Variants in TMPRSS5 observed in about 807,000 individuals in gnomAD.
TMPRSS5 encodes transmembrane protease serine 5.
TMPRSS5 carries 45 observed loss-of-function variants against 59.7 expected under a neutral mutation model. The ratio of observed to expected loss-of-function variants is 0.75; its 90% CI spans 0.59 to 0.97. The LOEUF (loss-of-function observed/expected upper bound fraction) is 0.97, where lower values mean the gene tolerates loss of function less well. Among genes scored for constraint, TMPRSS5 ranks in the 50% least tolerant of loss-of-function variants. TMPRSS5 has a pLI of 0.00. For missense variants in TMPRSS5, 585 were observed against 596.7 expected (o/e 0.98, Z 0.20); for synonymous variants, 225 against 232.0 (o/e 0.97, Z 0.27).
chr11:113,699,272 C>CCTCTCTCTCTCT (rs550946661), intron 3 of TMPRSS5, among the ~76,000 whole-genome samples: 3 of 24,058 alleles, frequency 1.2e-4, no homozygotes, highest in African/African-American at 2.0e-4. Flanking sequence ...TCTCTCTCTC[C>CCTCTCTCTCTCT]CTCTCTCTCT....
intron 1 of TMPRSS5, among the ~76,000 whole-genome samples, chr11:113,700,946 GATGGTTTTAT>G (rs1184537243): frequency 6.6e-6 from 1 of 152,186 alleles, no homozygotes; most frequent in Non-Finnish European, 1.5e-5. Flanking sequence ...CACAAGATCT[GATGGTTTTAT>G]ATGGGGCTTT....
chr11:113,699,272 C>CCTCTCT lies in TMPRSS5; in HGVS notation c.206-251_206-246dup, dbSNP rs550946661. Among the ~76,000 whole-genome samples, 51 of 24,072 alleles carry CCTCTCT rather than the reference C, an allele frequency of 2.1e-3. 3 individuals carry two copies. Among genetic ancestry groups the CCTCTCT allele is most frequent in the Non-Finnish European group, 2.8e-3 (35 of 12,712 alleles). The allele number at this position is 24,072 out of a possible 152,430, so 15.8% of individuals were successfully genotyped here. A position where few individuals can be genotyped will look rare whatever the true frequency, so the allele number is the denominator to read the frequency against. On this transcript the variant is annotated intron_variant, in intron 3 of 12. Coordinates refer to ENST00000299882, the MANE Select transcript of TMPRSS5 (RefSeq NM_030770.4). ...CTCTCTCTCTCTCTCTCTCTCTCTC[C>CCTCTCT]CTCTCTCTCTCTCTCTCTCTGTCTC...
intron 1 of TMPRSS5, among the ~76,000 whole-genome samples, chr11:113,704,245 A>G (rs1668209599): frequency 1.3e-5 from 2 of 152,196 alleles, no homozygotes; most frequent in South Asian, 2.1e-4. Flanking sequence ...TCTGCAACCT[A>G]CTATGTGAAC....
intron 6 of TMPRSS5, 89 bp from the exon 7 acceptor site, chr11:113,695,532 T>C (rs1591380251): frequency 7.5e-7 from 1 of 1,329,268 alleles, no homozygotes; most frequent in African/African-American, 1.4e-5. Flanking sequence ...GGGAGGCTGG[T>C]GGGGGTGGTG....
Position 113,698,924 on chromosome 11 carries a change from G to A in TMPRSS5, c.309C>T (p.Leu103=), listed in dbSNP as rs1014066017. 2 of 1,590,876 alleles carry A rather than the reference G, an allele frequency of 1.3e-6. No individual in the cohort carries two copies. Among genetic ancestry groups the A allele is most frequent in the Non-Finnish European group, 1.7e-6 (2 of 1,168,870 alleles). ...GCCCACCTGTTTTGGGAAGTGCAGG[G>A]AGCAGAGCTTCCTCAGCGCTGGCCT... ...CSEASAEEAL[L]PALPKTVSFR... The change falls in exon 4 of 13, where the codon CTC becomes CTT. Residue 103 remains leucine, a synonymous_variant. Coordinates refer to ENST00000299882, the MANE Select transcript of TMPRSS5 (RefSeq NM_030770.4).
rs756321494 is a variant in TMPRSS5, at chr11:113,693,066, C to T, written c.964+5G>A. On this transcript the variant is annotated splice_donor_5th_base_variant and intron_variant, in intron 9 of 12. Coordinates refer to ENST00000299882, the MANE Select transcript of TMPRSS5 (RefSeq NM_030770.4). Reference sequence around the variant, plus strand: ...AGCCTGCCCACCCTCAAGCCAGTGCCGCACCTGAGAAGTTGAGAGCGGTCT... The same window carrying T: ...AGCCTGCCCACCCTCAAGCCAGTGCTGCACCTGAGAAGTTGAGAGCGGTCT... 7.7e-6 allele frequency: 12 copies of T among 1,560,014 alleles called. No individual in the cohort carries two copies. The East Asian group carries it at 1.4e-4, about 19-fold the overall frequency.
At position 113,697,337 on chromosome 11, in the gene TMPRSS5, T is replaced by C; in HGVS notation, c.410A>G (p.Glu137Gly). The C allele has an allele frequency of 6.2e-7, 1 of 1,613,808 alleles. No individual in the cohort carries two copies. The highest frequency in any genetic ancestry group is 2.2e-5 in the East Asian group (1 of 44,880). ...DQPRWLLVCH[E>G]GWSPALGLQI... Reference sequence around the variant, plus strand: ...CAGCCCCAGGGCGGGGCTCCAGCCCTCATGGCAGACCAGGAGCCAGCGTGG... The same window carrying C: ...CAGCCCCAGGGCGGGGCTCCAGCCCCCATGGCAGACCAGGAGCCAGCGTGG... The change falls in exon 5 of 13, where the codon GAG becomes GGG. Residue 137 changes from glutamate to glycine, a missense_variant. By Grantham distance (98) the Glu-to-Gly change is moderately conservative. Transcript: ENST00000299882.
intron 1 of TMPRSS5, among the ~76,000 whole-genome samples, chr11:113,703,420 A>C (rs1383039768): frequency 6.6e-6 from 1 of 152,222 alleles, no homozygotes; most frequent in Non-Finnish European, 1.5e-5. Flanking sequence ...TTACAGGCTC[A>C]TAGGCAGAAG....
intron 11 of TMPRSS5, 55 bp downstream of exon 11, chr11:113,690,176 G>GGCCCCCCCC: frequency 4.6e-5 from 18 of 388,214 alleles, no homozygotes; most frequent in Non-Finnish European, 6.2e-5. Context: ...CAGGCCCCCT[G>GGCCCCCCCC]CCCTCCCACC....
chr11:113,690,710 G>A, intron 10 of TMPRSS5, 131 bp downstream of exon 10: 1 of 901,740 alleles, frequency 1.1e-6, no homozygotes, highest in Non-Finnish European at 1.7e-6. Flanking sequence ...CCCTAGGCCT[G>A]ACCAAGGGTG....
rs7110738 is a variant in TMPRSS5 at position 113,690,335 on chromosome 11, A to G, written c.1102T>C (p.Leu368=). The change falls in exon 11 of 13, where the codon TTG becomes CTG. Residue 368 remains leucine, a synonymous_variant. Transcript: ENST00000299882. ...CTGTTGCAGAGCTGAGTGCTGAACA[A>G]GGGCACCACCGTGTCCTGGAGCATA... ...SDMLQDTVVP[L]FSTQLCNSSC... is the part of the protein sequence containing the mutation. 0.67 allele frequency: 1,066,795 copies of G among 1,601,632 alleles called. 359,486 individuals are homozygous for G. Among genetic ancestry groups the G allele is most frequent in the African/African-American group, 0.92 (68,882 of 74,588 alleles).
chr11:113,700,089 T>C lies in TMPRSS5; in HGVS notation c.83A>G (p.Glu28Gly), dbSNP rs761932206. 1.9e-6 allele frequency: 3 copies of C among 1,573,348 alleles called. No individual in the cohort carries two copies. Among genetic ancestry groups the C allele is most frequent in the Non-Finnish European group, 2.6e-6 (3 of 1,159,088 alleles). Reference sequence around the variant, plus strand: ...ACTGGGATGCTGCTGGTCTCCAGGCTCTGCTCTGAAGATCCCAGGTCCTGG... The same window carrying C: ...ACTGGGATGCTGCTGGTCTCCAGGCCCTGCTCTGAAGATCCCAGGTCCTGG... The part of the protein sequence containing the change: ...EGPGPGIFRA[E>G]PGDQQHPISQ... Residue 28 changes from glutamate to glycine, a missense_variant, in exon 2 of 13, where the codon GAG (glutamate) becomes GGG (glycine). By Grantham distance (98) the Glu-to-Gly change is moderately conservative (BLOSUM62 -2). Coordinates refer to ENST00000299882, the MANE Select transcript of TMPRSS5 (RefSeq NM_030770.4).
chr11:113,703,694 C>T (rs1442881364), intron 1 of TMPRSS5, among the ~76,000 whole-genome samples: 1 of 152,150 alleles, frequency 6.6e-6, no homozygotes. Flanking sequence ...GGCAGTTCCC[C>T]TATGCTATTC....
chr11:113,696,967 T>G lies in TMPRSS5; in HGVS notation c.469A>C (p.Thr157Pro), dbSNP rs1179575432. Reference sequence around the variant, plus strand: ...GTGAGGTTTACTCCCTTGTGGTGAGTGAGTCTTGGCAGAAGAAGGGAATAG... The same window carrying G: ...GTGAGGTTTACTCCCTTGTGGTGAGGGAGTCTTGGCAGAAGAAGGGAATAG... Reference protein sequence around the residue: ...ICWSLGHLRLTHHKGVNLTDI... With the variant: ...ICWSLGHLRLPHHKGVNLTDI... The change falls in exon 6 of 13, where the codon ACT (threonine) becomes CCT (proline). Residue 157 changes from threonine (T) to proline (P), a missense_variant. Thr to Pro is a conservative substitution (Grantham distance 38, BLOSUM62 -1). Transcript: ENST00000299882. 6.4e-6 allele frequency: 10 copies of G among 1,570,710 alleles called. No individual in the cohort carries two copies. The highest frequency in any genetic ancestry group is 7.8e-6 in the Non-Finnish European group (9 of 1,156,520).
intron 1 of TMPRSS5, among the ~76,000 whole-genome samples, chr11:113,700,816 C>T (rs1446346037): frequency 1.3e-5 from 2 of 152,238 alleles, no homozygotes; most frequent in African/African-American, 4.8e-5. Context: ...CACCCAAAAT[C>T]TCATCTTGAA....
At chr11:113,696,815 G>A (rs1420331921) in intron 6 of TMPRSS5, 43 bp downstream of exon 6, 1 of 1,376,052 alleles carries the variant, frequency 7.3e-7, no homozygotes, top group Non-Finnish European at 1.0e-6. Flanking sequence ...TGACCACCAG[G>A]AAGTAAGGGA....
Position 113,690,915 on chromosome 11 carries a change from G to T in TMPRSS5, c.989C>A (p.Pro330Gln). 1 of 1,593,162 alleles carries T rather than the reference G, an allele frequency of 6.3e-7. No homozygotes were observed. The change falls in exon 10 of 13, where the codon CCG becomes CAG. Residue 330 changes from proline (P) to glutamine (Q), a missense_variant. Transcript: ENST00000299882. Reference sequence around the variant, plus strand: ...CTTCGGAAAATGCTGTTCCTTGGCCGGCAGGCACACAGCGCCCACAGTGTC... The same window carrying T: ...CTTCGGAAAATGCTGTTCCTTGGCCTGCAGGCACACAGCGCCCACAGTGTC... ...FSDTVGAVCL[P>Q]AKEQHFPKGS...
chr11:113,697,384 C>T lies in TMPRSS5; in HGVS notation c.363G>A (p.Leu121=), dbSNP rs1270770681. The T allele has an allele frequency of 6.2e-7, 1 of 1,613,732 alleles. No individual in the cohort carries two copies. The highest frequency in any genetic ancestry group is 8.5e-7 in the Non-Finnish European group (1 of 1,179,748). The change falls in exon 5 of 13, where the codon CTG becomes CTA. Residue 121 remains leucine (L), a synonymous_variant. Transcript: ENST00000299882. ...GTGGCTGATCCCTCACTTGCGCTTC[C>T]AGCAAGAAGTCTTCGCTGTTTATTC... ...SFRINSEDFL[L]EAQVRDQPRW...
intron 1 of TMPRSS5, among the ~76,000 whole-genome samples, chr11:113,705,732 A>T (rs1953272178): frequency 2.6e-5 from 4 of 152,128 alleles, no homozygotes. Flanking sequence ...TGTCCCTCTG[A>T]GTGGAGAGGC....
Sources: allele counts gnomAD v4.1 joint callset (sites outside exome capture counted in the v4.1 genomes callset), GRCh38; gene constraint gnomAD v4.1.1; transcripts MANE v1.5; gene names NCBI Gene and HGNC (gene_info 2026-07-23, HGNC 2026-07-21).